IFT81: variants seen among roughly 807,000 people sequenced by gnomAD.
IFT81 encodes intraflagellar transport protein 81 homolog.
In IFT81, 72 loss-of-function variants were observed where a neutral mutation model predicts 102.6. The observed-to-expected ratio is 0.70, with a 90% CI of 0.58 to 0.85. The LOEUF (loss-of-function observed/expected upper bound fraction) is 0.85. Ranked by LOEUF, IFT81 falls within the 40% of genes least tolerant of loss-of-function variation. The pLI is 0.00. For missense variants in IFT81, 723 were observed against 787.3 expected (o/e 0.92, Z 0.98); for synonymous variants, 237 against 242.7 (o/e 0.98, Z 0.22).
intron 10 of IFT81, among the ~76,000 whole-genome samples, chr12:110,152,954 T>A (rs1417512521): frequency 6.6e-6 from 1 of 152,244 alleles, no homozygotes; most frequent in Non-Finnish European, 1.5e-5. Context: ...ATTCTGTGTG[T>A]TGCCTTTTTA....
At chr12:110,189,508 C>T (rs1175283542) in intron 12 of IFT81, among the ~76,000 whole-genome samples, 1 of 151,962 alleles carries the variant, frequency 6.6e-6, no homozygotes, top group East Asian at 1.9e-4. Context: ...ACCAACACAT[C>T]TGGCTAATTT....
chr12:110,141,790 G>A (rs1894908061), intron 8 of IFT81, among the ~76,000 whole-genome samples: 2 of 152,170 alleles, frequency 1.3e-5, no homozygotes, highest in South Asian at 4.1e-4. Context: ...TGAGGCAGGA[G>A]AATCGCTTGA....
rs1309564002 is a variant in IFT81, at chr12:110,218,326, T to C, written c.*100T>C. 4 of 837,660 alleles carry C rather than the reference T, an allele frequency of 4.8e-6. No individual in the cohort carries two copies. The South Asian group carries it at 1.4e-4, about 28-fold the overall frequency. The allele number at this position is 837,660 out of a possible 1,614,324, so 51.9% of individuals were successfully genotyped here. A position where few individuals can be genotyped will look rare whatever the true frequency, so the allele number is the denominator to read the frequency against. On this transcript the variant is annotated 3_prime_UTR_variant, in exon 19 of 19. Coordinates refer to ENST00000242591, the MANE Select transcript of IFT81 (RefSeq NM_014055.4). The stretch of plus-strand genomic sequence containing the variant: ...TGAAACTGATTTGTATAGCATTTTG[T>C]TTTCAGAAGAGCCATTCTTTATTAA...
At chr12:110,194,297 G>A (rs979358867) in intron 14 of IFT81, among the ~76,000 whole-genome samples, 1 of 152,072 alleles carries the variant, frequency 6.6e-6, no homozygotes, top group Non-Finnish European at 1.5e-5. Flanking sequence ...ATCTATTATA[G>A]TCATCTAGAA....
At chr12:110,159,434 T>C (rs1896020287) in intron 10 of IFT81, among the ~76,000 whole-genome samples, 1 of 152,166 alleles carries the variant, frequency 6.6e-6, no homozygotes, top group African/African-American at 2.4e-5. Flanking sequence ...CACTCCAGCC[T>C]GAGTGATGGA....
chr12:110,143,340 C>T, intron 8 of IFT81, 42 bp from the exon 9 acceptor site: 1 of 1,142,922 alleles, frequency 8.7e-7, no homozygotes, highest in Non-Finnish European at 1.2e-6. Flanking sequence ...ATCACTGTAC[C>T]TACTCTTTTG....
Position 110,132,652 on chromosome 12 carries a change from C to T in IFT81, c.519+16C>T, listed in dbSNP as rs775235963. 1.5e-6 allele frequency: 2 copies of T among 1,336,624 alleles called. No homozygotes were observed. Among genetic ancestry groups the T allele is most frequent in the South Asian group, 1.2e-5 (1 of 80,996 alleles). The allele number at this position is 1,336,624 out of a possible 1,614,324, so 82.8% of individuals were successfully genotyped here. A position where few individuals can be genotyped will look rare whatever the true frequency, so the allele number is the denominator to read the frequency against. On this transcript the variant is annotated intron_variant, in intron 5 of 18. Transcript: ENST00000242591. ...AATAAGAAAGGTAAAGGAAAGAAAA[C>T]ATAGTAACAATTTTTTTGGGATTTG...
At chr12:110,149,894 G>T (rs919469728) in intron 10 of IFT81, among the ~76,000 whole-genome samples, 4 of 152,088 alleles carry the variant, frequency 2.6e-5, no homozygotes, top group Admixed American at 2.0e-4. Context: ...ATGGGGGCAT[G>T]GCAGACCAGG....
rs59756924 is a variant in IFT81 at position 110,128,786 on chromosome 12, CAA to C, written c.249-141_249-140del. ...TGGGCAATAAAGTGAGACCCTGTCTCAAAAAAAAAAAAAAAAAAAAAAAAGAT... is the reference window on the plus strand; with the variant it reads ...TGGGCAATAAAGTGAGACCCTGTCTCAAAAAAAAAAAAAAAAAAAAAAGAT... On this transcript the variant is annotated intron_variant, in intron 3 of 18. Coordinates refer to ENST00000242591, the MANE Select transcript of IFT81 (RefSeq NM_014055.4). 7.5e-3 allele frequency among the ~76,000 whole-genome samples: 517 copies of C among 68,718 alleles called. 1 individual carries two copies. The highest frequency in any genetic ancestry group is 0.022 in the African/African-American group (391 of 17,930). 45.1% of individuals were successfully genotyped at this position (68,718 alleles called of 152,430 possible). A position where few individuals can be genotyped will look rare whatever the true frequency, so the allele number is the denominator to read the frequency against.
chr12:110,131,698 GCCCTAGGGA>G (rs1409616961), intron 4 of IFT81, among the ~76,000 whole-genome samples: 3 of 152,070 alleles, frequency 2.0e-5, no homozygotes, highest in African/African-American at 7.2e-5. Flanking sequence ...ACTGTGCTAG[GCCCTAGGGA>G]TACAAGGGTG....
chr12:110,217,237 G>T (rs1870252675), intron 18 of IFT81, among the ~76,000 whole-genome samples: 1 of 151,724 alleles, frequency 6.6e-6, no homozygotes. Context: ...TAGAGATAGG[G>T]TTTCACCTTG....
Position 110,128,975 on chromosome 12 carries a change from A to G in IFT81, c.274A>G (p.Ile92Val). 6.2e-7 allele frequency: 1 copy of G among 1,613,520 alleles called. No homozygotes were observed. Among genetic ancestry groups the G allele is most frequent in the Non-Finnish European group, 8.5e-7 (1 of 1,179,818 alleles). The change falls in exon 4 of 19, where the codon ATT becomes GTT. Residue 92 changes from isoleucine (I) to valine (V), a missense_variant. Transcript: ENST00000242591. ...DMSTFRQGLV[I>V]GSKPVIYPVL... ...GAGTACTTTTCGTCAGGGTTTGGTGATTGGAAGTAAACCTGTAATTTACCC... is the reference window on the plus strand; with the variant it reads ...GAGTACTTTTCGTCAGGGTTTGGTGGTTGGAAGTAAACCTGTAATTTACCC...
At chr12:110,196,359 A>G (rs367565718) in intron 14 of IFT81, among the ~76,000 whole-genome samples, 2 of 152,154 alleles carry the variant, frequency 1.3e-5, no homozygotes, top group East Asian at 3.8e-4. Context: ...TCTCTACCAA[A>G]AAATACAAAA....
At chr12:110,146,781 C>A (rs1196243237) in intron 9 of IFT81, among the ~76,000 whole-genome samples, 172 bp from the exon 10 acceptor site, 1 of 151,344 alleles carries the variant, frequency 6.6e-6, no homozygotes, top group Non-Finnish European at 1.5e-5. Flanking sequence ...TCAGTCTGGG[C>A]AACATAGCAA....
At chr12:110,179,773 T>TACATACAC (rs1555266292) in intron 11 of IFT81, among the ~76,000 whole-genome samples, 11 of 50,490 alleles carry the variant, frequency 2.2e-4, no homozygotes, top group Non-Finnish European at 4.6e-4. Flanking sequence ...TATATATATA[T>TACATACAC]ACACACACAC....
intron 17 of IFT81, among the ~76,000 whole-genome samples, chr12:110,208,588 C>T (rs1868996421): frequency 6.6e-6 from 1 of 152,076 alleles, no homozygotes; most frequent in Non-Finnish European, 1.5e-5. Flanking sequence ...TATAGATTTA[C>T]CTCATTCTTT....
At chr12:110,200,442 G>T (rs1435766665) in intron 14 of IFT81, among the ~76,000 whole-genome samples, 2 of 152,050 alleles carry the variant, frequency 1.3e-5, no homozygotes, top group Admixed American at 6.6e-5. Flanking sequence ...TGGTATAAAA[G>T]ATTTAAAATG....
intron 18 of IFT81, among the ~76,000 whole-genome samples, chr12:110,215,869 A>G (rs961915111): frequency 6.6e-6 from 1 of 152,100 alleles, no homozygotes; most frequent in Non-Finnish European, 1.5e-5. Flanking sequence ...CAGTTTTGGC[A>G]GGTGGACCAT....
intron 13 of IFT81, among the ~76,000 whole-genome samples, chr12:110,191,790 C>T (rs1327858282): frequency 1.3e-5 from 2 of 151,970 alleles, no homozygotes; most frequent in Non-Finnish European, 2.9e-5. Flanking sequence ...CAGAGTACCC[C>T]CCTCCAGTTG....
Sources: gnomAD v4.1 joint callset for allele counts (sites outside exome capture counted in the v4.1 genomes callset) on GRCh38, gnomAD v4.1.1 for gene constraint, MANE v1.5 for transcripts, NCBI Gene and HGNC (gene_info 2026-07-23, HGNC 2026-07-21) for gene names.